The following HDAC9 variants were observed in gnomAD, a reference collection of about 807,000 sequenced individuals.
HDAC9 encodes histone deacetylase 9, also known as MEF-2 interacting transcription repressor (MITR) protein.
HDAC9 carries 41 observed loss-of-function variants against 139.4 expected under a neutral mutation model. That is an observed-to-expected ratio of 0.29 (90% CI 0.23 to 0.38). HDAC9 has a LOEUF of 0.38. HDAC9 is among the 10% of genes least tolerant of loss of function. HDAC9 has a pLI of 1.00. For synonymous variants in HDAC9, 517 were observed against 476.2 expected, an observed-to-expected ratio of 1.09 and a Z score of -1.12; for missense variants, 1,147 against 1,297.0, an observed-to-expected ratio of 0.88 and a Z score of 1.78.
At position 18,762,222 on chromosome 7, in the gene HDAC9, G is replaced by A. The variant is rs747825059; in HGVS notation, c.2109G>A (p.Leu703=). The change falls in exon 15 of 26, where the codon CTG becomes CTA. Residue 703 remains leucine (L), a synonymous_variant. Coordinates refer to ENST00000686413, the MANE Select transcript of HDAC9 (RefSeq NM_178425.4). The stretch of plus-strand genomic sequence containing the variant: ...TTGTTCATTCTGAACATCACTCACT[G>A]TTGTATGGCACCAACCCCCTGGACG... ...IQLVHSEHHS[L]LYGTNPLDGQ... The A allele has an allele frequency of 1.9e-6, 3 of 1,613,692 alleles. 1 individual carries two copies. In the South Asian group the frequency reaches 3.3e-5, roughly 18 times the overall value.
At chr7:18,097,686 G>C (rs1782598777) in intron 1 of HDAC9, among the ~76,000 whole-genome samples, 1 of 152,044 alleles carries the variant, frequency 6.6e-6, no homozygotes, top group African/African-American at 2.4e-5. Context: ...TCCTGCCTCA[G>C]CTTCCCAAGG....
chr7:18,728,733 C>CT (rs1441970387), intron 13 of HDAC9, among the ~76,000 whole-genome samples: 2 of 152,116 alleles, frequency 1.3e-5, no homozygotes, highest in Non-Finnish European at 2.9e-5. Context: ...AGCCTTCGTG[C>CT]TTGGAAAAGT....
chr7:18,361,831 A>G (rs1197902709), intron 1 of HDAC9, among the ~76,000 whole-genome samples: 1 of 152,036 alleles, frequency 6.6e-6, no homozygotes, highest in Non-Finnish European at 1.5e-5. Flanking sequence ...AAAAAAAAAC[A>G]TTCTGGCATA....
At chr7:18,550,351 A>G (rs538406036) in intron 2 of HDAC9, among the ~76,000 whole-genome samples, 66 of 152,244 alleles carry the variant, frequency 4.3e-4, no homozygotes, top group African/African-American at 1.5e-3. Context: ...TATTCCATTC[A>G]TCCTGTTCTG....
intron 13 of HDAC9, among the ~76,000 whole-genome samples, chr7:18,737,434 T>C (rs1272181648): frequency 6.6e-6 from 1 of 152,252 alleles, no homozygotes; most frequent in Non-Finnish European, 1.5e-5. Flanking sequence ...GTAAGTGGTG[T>C]CTTTGTTCTC....
intron 1 of HDAC9, among the ~76,000 whole-genome samples, chr7:18,379,471 G>A (rs1733686500): frequency 1.3e-5 from 2 of 152,142 alleles, no homozygotes; most frequent in South Asian, 2.1e-4. Context: ...TGAATGCATT[G>A]CACTATTCTG....
At chr7:18,855,771 C>G (rs1271546931) in intron 21 of HDAC9, among the ~76,000 whole-genome samples, 2 of 152,052 alleles carry the variant, frequency 1.3e-5, no homozygotes, top group Admixed American at 1.3e-4. Flanking sequence ...GTCAAGCTGT[C>G]TAACCAAACG....
chr7:18,920,756 T>C (rs1198410191), intron 22 of HDAC9, among the ~76,000 whole-genome samples: 7 of 152,278 alleles, frequency 4.6e-5, no homozygotes, highest in Non-Finnish European at 1.0e-4. Flanking sequence ...GATAATCATG[T>C]GGTTTTTGTC....
chr7:18,501,099 C>T (rs1563066494), intron 2 of HDAC9, among the ~76,000 whole-genome samples: 1 of 152,052 alleles, frequency 6.6e-6, no homozygotes, highest in Non-Finnish European at 1.5e-5. Flanking sequence ...GGCTGCTTGA[C>T]AGTGAAAGCC....
At chr7:18,731,065 C>T (rs545407569) in intron 13 of HDAC9, among the ~76,000 whole-genome samples, 18 of 152,240 alleles carry the variant, frequency 1.2e-4, no homozygotes, top group Admixed American at 2.6e-4. Flanking sequence ...CTGGGCAAGC[C>T]GGAGTGGGGC....
chr7:18,668,560 TGA>T (rs1795434985), intron 12 of HDAC9: 1 of 976,106 alleles, frequency 1.0e-6, no homozygotes. Context: ...TAATGTCATT[TGA>T]GAGAGTTTCA....
intron 22 of HDAC9, among the ~76,000 whole-genome samples, chr7:18,881,307 CAT>C (rs1474182826): frequency 6.6e-6 from 1 of 152,190 alleles, no homozygotes; most frequent in Admixed American, 6.6e-5. Context: ...ATCTATGAGA[CAT>C]ATAAACTTTT....
At chr7:18,890,018 G>T (rs1800539434) in intron 22 of HDAC9, among the ~76,000 whole-genome samples, 1 of 152,142 alleles carries the variant, frequency 6.6e-6, no homozygotes, top group African/African-American at 2.4e-5. Flanking sequence ...TTTTCTAATT[G>T]CGTGACCTTG....
chr7:18,453,209 C>T (rs213265), intron 1 of HDAC9, among the ~76,000 whole-genome samples: 3,802 of 152,162 alleles, frequency 0.025, 157 homozygotes, highest in African/African-American at 0.087. Flanking sequence ...TTTTTATTTA[C>T]TGAAGGTTTT....
At chr7:18,911,279 G>T (rs1802716099) in intron 22 of HDAC9, among the ~76,000 whole-genome samples, 1 of 151,328 alleles carries the variant, frequency 6.6e-6, no homozygotes, top group African/African-American at 2.4e-5. Context: ...TTGTACAGTT[G>T]GTGTCAGTTG....
chr7:18,877,976 G>A (rs1166061087), intron 22 of HDAC9, among the ~76,000 whole-genome samples: 7 of 152,044 alleles, frequency 4.6e-5, no homozygotes, highest in Admixed American at 2.0e-4. Context: ...ATCCCAACCC[G>A]AAATGACTAA....
At chr7:18,484,047 T>C (rs1282421797) in intron 1 of HDAC9, among the ~76,000 whole-genome samples, 1 of 151,852 alleles carries the variant, frequency 6.6e-6, no homozygotes, top group Non-Finnish European at 1.5e-5. Flanking sequence ...TGGCTAAATA[T>C]TTAAAATACT....
intron 22 of HDAC9, among the ~76,000 whole-genome samples, chr7:18,877,361 A>C (rs1799396289): frequency 6.6e-6 from 1 of 152,160 alleles, no homozygotes; most frequent in Non-Finnish European, 1.5e-5. Context: ...CTGGACTTTC[A>C]CTGTCTTGTT....
intron 22 of HDAC9, among the ~76,000 whole-genome samples, chr7:18,933,115 G>A (rs143312413): frequency 3.9e-5 from 6 of 152,136 alleles, no homozygotes; most frequent in Non-Finnish European, 8.8e-5. Context: ...AGTTCAGGCT[G>A]CTGTATCAAA....
Sources: allele counts gnomAD v4.1 joint callset (sites outside exome capture counted in the v4.1 genomes callset), GRCh38; gene constraint gnomAD v4.1.1; transcripts MANE v1.5; gene names NCBI Gene and HGNC (gene_info 2026-07-23, HGNC 2026-07-21).